PPP3CA: variants seen among roughly 807,000 people sequenced by gnomAD.
PPP3CA encodes the protein protein phosphatase 3 catalytic subunit alpha, also known as CAM-PRP catalytic subunit.
Under a neutral mutation model 66.5 loss-of-function variants are expected in PPP3CA, and 14 were observed. That is an observed-to-expected ratio of 0.21 (90% CI 0.14 to 0.33). The LOEUF (loss-of-function observed/expected upper bound fraction) is 0.33. PPP3CA is among the 10% of genes least tolerant of loss of function. The probability of loss-of-function intolerance (pLI) is 1.00; values close to 1 mark genes in which losing one functional copy is unlikely to be tolerated. For missense variants in PPP3CA, 317 were observed against 639.5 expected (o/e 0.50, Z 5.44); for synonymous variants, 232 against 226.2 (o/e 1.03, Z -0.23).
chr4:101,208,813 G>A (rs1725216767), intron 1 of PPP3CA, among the ~76,000 whole-genome samples: 1 of 152,088 alleles, frequency 6.6e-6, no homozygotes, highest in South Asian at 2.1e-4. Context: ...TCAGTAGAAG[G>A]TTCTCATTCC....
At chr4:101,262,603 G>A (rs116435249) in intron 1 of PPP3CA, among the ~76,000 whole-genome samples, 2,108 of 152,192 alleles carry the variant, frequency 0.014, 51 homozygotes, top group African/African-American at 0.048. Context: ...ATGAGATAGA[G>A]GCAGGTAAGT....
chr4:101,164,659 C>G (rs576928892), intron 2 of PPP3CA, among the ~76,000 whole-genome samples: 22 of 150,350 alleles, frequency 1.5e-4, no homozygotes, highest in Non-Finnish European at 3.1e-4. Context: ...ATGAAATAAC[C>G]ATTGAGATCA....
intron 1 of PPP3CA, among the ~76,000 whole-genome samples, chr4:101,241,427 C>G (rs144363847): frequency 4.0e-5 from 6 of 151,380 alleles, no homozygotes; most frequent in Non-Finnish European, 8.8e-5. Flanking sequence ...CTAACTCTAA[C>G]GAAAAAAGAA....
chr4:101,205,634 C>A lies in PPP3CA; in HGVS notation c.59-9518G>T, dbSNP rs1237418733. Among the ~76,000 whole-genome samples the A allele has an allele frequency of 3.9e-5, 6 of 152,064 alleles. No homozygotes were observed. The East Asian group carries it at 1.2e-3, about 29-fold the overall frequency. ...ACCTTCTTCATTCAACTCTATGGGCCAACACATTTTCCATGCCCACATGCC... is the reference window on the plus strand; with the variant it reads ...ACCTTCTTCATTCAACTCTATGGGCAAACACATTTTCCATGCCCACATGCC... On this transcript the variant is annotated intron_variant, in intron 1 of 13. Coordinates refer to ENST00000394854, the MANE Select transcript of PPP3CA (RefSeq NM_000944.5).
At chr4:101,176,694 T>C (rs530945369) in intron 2 of PPP3CA, among the ~76,000 whole-genome samples, 2 of 152,290 alleles carry the variant, frequency 1.3e-5, no homozygotes, top group African/African-American at 4.8e-5. Context: ...GGCAAATGAC[T>C]AACCCTTGAG....
At chr4:101,233,431 T>C (rs1170959108) in intron 1 of PPP3CA, among the ~76,000 whole-genome samples, 1 of 151,856 alleles carries the variant, frequency 6.6e-6, no homozygotes, top group East Asian at 1.9e-4. Flanking sequence ...GTCATTAACA[T>C]TTTAAAGAGA....
chr4:101,106,499 A>G lies in PPP3CA; in HGVS notation c.384+2455T>C, dbSNP rs927688328. On this transcript the variant is annotated intron_variant, in intron 3 of 13. Transcript: ENST00000394854. ...AGAAAAGAAAAGAAAAGAAAAGAAA[A>G]GAAAGAAAGAAAGAAAAAGAAAGAA... 1.2e-4 allele frequency among the ~76,000 whole-genome samples: 9 copies of G among 77,252 alleles called. 1 individual carries two copies. The highest frequency in any genetic ancestry group is 3.7e-4 in the African/African-American group (8 of 21,664). The allele number at this position is 77,252 out of a possible 152,430, so 50.7% of individuals were successfully genotyped here.
chr4:101,305,778 G>T (rs1728516468), intron 1 of PPP3CA, among the ~76,000 whole-genome samples: 2 of 151,984 alleles, frequency 1.3e-5, no homozygotes, highest in Non-Finnish European at 1.5e-5. Context: ...TATGGAGGGG[G>T]GTGTTTAAAA....
intron 10 of PPP3CA, among the ~76,000 whole-genome samples, chr4:101,046,630 T>A (rs1233319764): frequency 2.0e-5 from 3 of 151,968 alleles, no homozygotes; most frequent in African/African-American, 4.8e-5. Context: ...TCTGAGAAAA[T>A]TTTTTTTACC....
At chr4:101,106,935 T>G (rs567929386) in intron 3 of PPP3CA, among the ~76,000 whole-genome samples, 29 of 152,298 alleles carry the variant, frequency 1.9e-4, no homozygotes, top group Non-Finnish European at 3.2e-4. Context: ...GAAAAATATC[T>G]ATCTTGTCCA....
intron 6 of PPP3CA, among the ~76,000 whole-genome samples, chr4:101,089,827 T>A (rs1729834975): frequency 6.6e-6 from 1 of 152,192 alleles, no homozygotes; most frequent in African/African-American, 2.4e-5. Flanking sequence ...ATCATAGATC[T>A]TATGGATTCT....
At chr4:101,062,286 T>C (rs1207384402) in intron 9 of PPP3CA, among the ~76,000 whole-genome samples, 1 of 152,012 alleles carries the variant, frequency 6.6e-6, no homozygotes, top group African/African-American at 2.4e-5. Flanking sequence ...AAAAATTTAC[T>C]TTTGATTATT....
chr4:101,326,315 T>A (rs971980463), intron 1 of PPP3CA, among the ~76,000 whole-genome samples: 1 of 152,208 alleles, frequency 6.6e-6, no homozygotes, highest in Non-Finnish European at 1.5e-5. Flanking sequence ...TCTCTGATCA[T>A]GAGAAAATTA....
At chr4:101,063,584 T>C (rs547088483) in intron 8 of PPP3CA, among the ~76,000 whole-genome samples, 4 of 152,042 alleles carry the variant, frequency 2.6e-5, no homozygotes, top group East Asian at 1.9e-4. Flanking sequence ...GTGTAACAAA[T>C]TGGAAAATAT....
intron 1 of PPP3CA, among the ~76,000 whole-genome samples, chr4:101,310,615 A>G (rs1728691795): frequency 6.6e-6 from 1 of 152,152 alleles, no homozygotes; most frequent in African/African-American, 2.4e-5. Flanking sequence ...AGTGAATACA[A>G]TGAGCCATGA....
intron 10 of PPP3CA, 73 bp from the exon 11 acceptor site, chr4:101,040,639 T>A: frequency 8.6e-7 from 1 of 1,168,868 alleles, no homozygotes; most frequent in Non-Finnish European, 1.2e-6. Flanking sequence ...CATTTACACA[T>A]ACAACAGACT....
chr4:101,100,908 C>A (rs1254737660), intron 3 of PPP3CA, among the ~76,000 whole-genome samples: 1 of 152,016 alleles, frequency 6.6e-6, no homozygotes, highest in East Asian at 1.9e-4. Flanking sequence ...AAAGAGTAAT[C>A]ATCTCTCTTA....
intron 1 of PPP3CA, among the ~76,000 whole-genome samples, chr4:101,239,579 G>C (rs1020533847): frequency 6.6e-6 from 1 of 152,104 alleles, no homozygotes; most frequent in African/African-American, 2.4e-5. Context: ...CAAGTAGATG[G>C]TAAATATGAA....
chr4:101,086,886 T>C (rs1361292094), intron 6 of PPP3CA, among the ~76,000 whole-genome samples: 1 of 152,262 alleles, frequency 6.6e-6, no homozygotes, highest in Non-Finnish European at 1.5e-5. Context: ...TATGCTCAAT[T>C]GCTGAAGTAG....
Sources: gnomAD v4.1 joint callset for allele counts (sites outside exome capture counted in the v4.1 genomes callset) on GRCh38, gnomAD v4.1.1 for gene constraint, MANE v1.5 for transcripts, NCBI Gene and HGNC (gene_info 2026-07-23, HGNC 2026-07-21) for gene names.